GALNT14: variants seen among roughly 807,000 people sequenced by gnomAD.
GALNT14 encodes UDP-GalNAc:polypeptide N-acetylgalactosaminyltransferase 14.
GALNT14 carries 60 observed loss-of-function variants against 77.5 expected under a neutral mutation model. The observed-to-expected ratio is 0.77, with a 90% confidence interval of 0.63 to 0.96. The LOEUF (loss-of-function observed/expected upper bound fraction) is 0.96. GALNT14 is among the 40% of genes least tolerant of loss of function. GALNT14 has a pLI of 0.00. For missense variants in GALNT14, 710 were observed against 731.0 expected (o/e 0.97, Z 0.33); for synonymous variants, 280 against 281.7 (o/e 0.99, Z 0.06).
Position 31,135,612 on chromosome 2 carries a change from A to G in GALNT14, c.129+2346T>C, listed in dbSNP as rs193196445. ...CTAGAAGGATACAGAAAATGAGGAAAAGAAGGAACAAGATGTTAAGACAAA... is the reference window on the plus strand; with the variant it reads ...CTAGAAGGATACAGAAAATGAGGAAGAGAAGGAACAAGATGTTAAGACAAA... On this transcript the variant is annotated intron_variant, in intron 1 of 14. Coordinates refer to ENST00000349752, the MANE Select transcript of GALNT14 (RefSeq NM_024572.4). Among the ~76,000 whole-genome samples, 232 of 152,352 alleles carry G rather than the reference A, an allele frequency of 1.5e-3. 2 individuals carry two copies. The highest frequency in any genetic ancestry group is 5.2e-3 in the African/African-American group (216 of 41,574).
intron 1 of GALNT14, among the ~76,000 whole-genome samples, chr2:31,017,179 T>C (rs1671420735): frequency 6.6e-6 from 1 of 152,226 alleles, no homozygotes; most frequent in Admixed American, 6.5e-5. Context: ...CCTAAGACTC[T>C]AATCTTCCTC....
intron 1 of GALNT14, among the ~76,000 whole-genome samples, chr2:31,029,085 C>T (rs995631157): frequency 3.9e-5 from 6 of 152,222 alleles, no homozygotes; most frequent in South Asian, 2.1e-4. Context: ...AGAACTCTAA[C>T]GCGTGCAGAG....
intron 1 of GALNT14, among the ~76,000 whole-genome samples, chr2:31,062,193 C>G (rs1305802822): frequency 6.6e-6 from 1 of 152,144 alleles, no homozygotes; most frequent in African/African-American, 2.4e-5. Flanking sequence ...AGGTATTTGT[C>G]CTAATGCTCT....
At chr2:31,123,800 A>G (rs1382312752) in intron 1 of GALNT14, among the ~76,000 whole-genome samples, 1 of 152,150 alleles carries the variant, frequency 6.6e-6, no homozygotes, top group African/African-American at 2.4e-5. Context: ...TTGTATCCCC[A>G]TGTACCCCGG....
At chr2:30,945,227 G>A (rs1442613943) in intron 7 of GALNT14, among the ~76,000 whole-genome samples, 6 of 152,236 alleles carry the variant, frequency 3.9e-5, no homozygotes, top group Admixed American at 2.0e-4. Flanking sequence ...GGTAGGGGCC[G>A]AGGATGACAG....
At chr2:31,038,807 G>A (rs1034190048) in intron 1 of GALNT14, among the ~76,000 whole-genome samples, 1 of 151,834 alleles carries the variant, frequency 6.6e-6, no homozygotes, top group Non-Finnish European at 1.5e-5. Flanking sequence ...GTGCAGTGGG[G>A]CAATCTCGGC....
At chr2:31,077,347 A>G (rs1243820374) in intron 1 of GALNT14, among the ~76,000 whole-genome samples, 1 of 152,154 alleles carries the variant, frequency 6.6e-6, no homozygotes, top group Non-Finnish European at 1.5e-5. Flanking sequence ...AATCTAATAT[A>G]CACACCCATC....
intron 1 of GALNT14, among the ~76,000 whole-genome samples, chr2:31,025,314 C>T (rs1671971267): frequency 6.6e-6 from 1 of 152,190 alleles, no homozygotes; most frequent in Admixed American, 6.5e-5. Flanking sequence ...GTCCCTCCCA[C>T]CTTGTTAATC....
At chr2:30,954,699 G>A (rs1446438675) in intron 6 of GALNT14, among the ~76,000 whole-genome samples, 2 of 152,226 alleles carry the variant, frequency 1.3e-5, no homozygotes, top group Non-Finnish European at 2.9e-5. Flanking sequence ...TATGCAGGTA[G>A]GAGTTTAGGA....
intron 1 of GALNT14, among the ~76,000 whole-genome samples, chr2:31,060,632 G>T (rs746984084): frequency 6.6e-6 from 1 of 152,088 alleles, no homozygotes; most frequent in Non-Finnish European, 1.5e-5. Flanking sequence ...ACCTTTAATC[G>T]GCTAGCGGCT....
At chr2:31,093,829 G>A (rs1417959136) in intron 1 of GALNT14, among the ~76,000 whole-genome samples, 3 of 152,240 alleles carry the variant, frequency 2.0e-5, no homozygotes, top group African/African-American at 4.8e-5. Context: ...TTGTGAGCAT[G>A]GAACAGTGGA....
intron 1 of GALNT14, among the ~76,000 whole-genome samples, chr2:31,114,005 A>T (rs1389675912): frequency 6.6e-6 from 1 of 152,168 alleles, no homozygotes; most frequent in Non-Finnish European, 1.5e-5. Flanking sequence ...TCTCCCTCCC[A>T]GATAAGCACA....
At chr2:31,134,925 T>A (rs1679160819) in intron 1 of GALNT14, among the ~76,000 whole-genome samples, 1 of 152,218 alleles carries the variant, frequency 6.6e-6, no homozygotes, top group Admixed American at 6.5e-5. Flanking sequence ...GTCATCTGCA[T>A]AAAAGTACTA....
In GALNT14 at chr2:31,138,107, C is replaced by G. The variant is rs755535627; in HGVS notation, c.-21G>C. 6.2e-7 allele frequency: 1 copy of G among 1,613,402 alleles called. No individual in the cohort carries two copies. The highest frequency in any genetic ancestry group is 1.7e-5 in the Admixed American group (1 of 60,018). On this transcript the variant is annotated 5_prime_UTR_variant, in exon 1 of 15. Transcript: ENST00000349752. ...CGCATGGTCCCCTTTGCCGCTTCCT[C>G]TCCGCGGCGCTACGTCCCGGGGGCA... is the stretch of plus-strand genomic sequence containing the variant.
intron 1 of GALNT14, among the ~76,000 whole-genome samples, chr2:31,081,571 T>C (rs1410771497): frequency 6.6e-6 from 1 of 152,222 alleles, no homozygotes; most frequent in Non-Finnish European, 1.5e-5. Flanking sequence ...TAGTTAAACA[T>C]TCCAAAGTGC....
chr2:30,927,160 T>C (rs1395662444), intron 11 of GALNT14, among the ~76,000 whole-genome samples: 1 of 152,090 alleles, frequency 6.6e-6, no homozygotes, highest in African/African-American at 2.4e-5. Flanking sequence ...CATGTTAGAA[T>C]CACCTGGTGT....
rs1573148929 is a variant in GALNT14 at position 31,009,295 on chromosome 2, T to A, written c.130-16288A>T. On this transcript the variant is annotated intron_variant, in intron 1 of 14. Coordinates refer to ENST00000349752, the MANE Select transcript of GALNT14 (RefSeq NM_024572.4). ...CATCTTCCTTGGCCCTTCAGCAACA[T>A]CCTACCCCCTGGAAAAGCCCCCCTT... 2.7e-5 allele frequency among the ~76,000 whole-genome samples: 4 copies of A among 149,906 alleles called. No individual in the cohort carries two copies. The Admixed American group carries it at 2.8e-4, about 10-fold the overall frequency.
chr2:31,094,584 C>T (rs1216192531), intron 1 of GALNT14, among the ~76,000 whole-genome samples: 1 of 152,212 alleles, frequency 6.6e-6, no homozygotes, highest in Non-Finnish European at 1.5e-5. Context: ...CCTTGGGCCT[C>T]CTTTGATCCA....
intron 1 of GALNT14, among the ~76,000 whole-genome samples, chr2:30,997,389 G>A (rs1464293026): frequency 6.6e-6 from 1 of 152,168 alleles, no homozygotes; most frequent in Non-Finnish European, 1.5e-5. Context: ...TATCTATACT[G>A]TGAATTCCAT....
Sources: gnomAD v4.1 joint callset for allele counts (sites outside exome capture counted in the v4.1 genomes callset) on GRCh38, gnomAD v4.1.1 for gene constraint, MANE v1.5 for transcripts, NCBI Gene and HGNC (gene_info 2026-07-23, HGNC 2026-07-21) for gene names.